Variants in SPG11 observed in about 807,000 individuals in gnomAD.
SPG11 encodes SPG11 vesicle trafficking associated, spatacsin.
A neutral mutation model predicts 274.0 loss-of-function variants in SPG11; 222 were observed. The observed-to-expected ratio is 0.81, with a 90% CI of 0.73 to 0.91. The LOEUF is 0.91. Ranked by LOEUF, SPG11 falls within the 40% of genes least tolerant of loss-of-function variation. The pLI, the probability that SPG11 is intolerant of heterozygous loss-of-function variation, is 0.00. For synonymous variants in SPG11, 1,144 were observed against 1,039.7 expected (o/e 1.10, Z -1.93); for missense variants, 3,114 against 2,872.7 (o/e 1.08, Z -1.92).
At chr15:44,650,757 TTC>T in intron 6 of SPG11, among the ~76,000 whole-genome samples, 1 of 152,166 alleles carries the variant, frequency 6.6e-6, no homozygotes, top group Non-Finnish European at 1.5e-5. Flanking sequence ...TTACAATTTT[TTC>T]TTTTTTTTGA....
intron 7 of SPG11, 28 bp from the exon 8 acceptor site, chr15:44,633,665 G>GA: frequency 1.2e-6 from 2 of 1,606,634 alleles, no homozygotes; most frequent in Non-Finnish European, 1.7e-6. Flanking sequence ...ATAAAAATCA[G>GA]AAAAAAATTA....
At chr15:44,633,159 G>A (rs1200412491) in intron 8 of SPG11, among the ~76,000 whole-genome samples, 1 of 151,196 alleles carries the variant, frequency 6.6e-6, no homozygotes, top group Non-Finnish European at 1.5e-5. Flanking sequence ...GCAACACAGT[G>A]AGACCCCATT....
intron 30 of SPG11, 137 bp from the exon 31 acceptor site, chr15:44,575,178 T>A: frequency 1.9e-6 from 2 of 1,059,396 alleles, no homozygotes; most frequent in Non-Finnish European, 2.7e-6. Context: ...GGACCACTGC[T>A]GACAGGGCCC....
At chr15:44,635,222 C>A (rs1478352173) in intron 7 of SPG11, among the ~76,000 whole-genome samples, 1 of 151,626 alleles carries the variant, frequency 6.6e-6, no homozygotes, top group African/African-American at 2.4e-5. Flanking sequence ...TCTCAAAAAA[C>A]AAAAACAAAA....
rs752725391 is a variant in SPG11 at position 44,583,939 on chromosome 15, C to A, written c.5741G>T (p.Cys1914Phe). Residue 1914 changes from cysteine (C) to phenylalanine (F), a missense_variant, in exon 30 of 40, where the codon TGC (cysteine) becomes TTC (phenylalanine). Physicochemically the swap from Cys to Phe is radical, Grantham distance 205. Coordinates refer to ENST00000261866, the MANE Select transcript of SPG11 (RefSeq NM_025137.4). ...AGCTTCCCCTGAGGCCAGTGCTCTG[C>A]AGTGCAATACCAAGGCGACATCTGG... ...YNPDVALVLH[C>F]RALASGEASM... The A allele has an allele frequency of 4.3e-6, 7 of 1,614,096 alleles. No individual in the cohort carries two copies. The highest frequency in any genetic ancestry group is 5.9e-6 in the Non-Finnish European group (7 of 1,180,054).
intron 4 of SPG11, among the ~76,000 whole-genome samples, chr15:44,656,461 G>A (rs1419803082): frequency 6.6e-6 from 1 of 152,194 alleles, no homozygotes; most frequent in East Asian, 1.9e-4. Context: ...TGGAAAGAGA[G>A]GGAAGTGAAG....
In SPG11 at chr15:44,584,227, G is replaced by A; in HGVS notation, c.5453C>T (p.Thr1818Ile). 6.2e-7 allele frequency: 1 copy of A among 1,614,224 alleles called. No individual in the cohort carries two copies. Among genetic ancestry groups the A allele is most frequent in the Non-Finnish European group, 8.5e-7 (1 of 1,180,034 alleles). ...GATCTGTCGAGAAAATCTGGGCTCT[G>A]TTTCCTCCTGATTTCTTCCAAGAGT... is the stretch of plus-strand genomic sequence containing the variant. Reference protein sequence around the residue: ...QHTLGRNQEETEPRFSRQIST... With the variant: ...QHTLGRNQEEIEPRFSRQIST... The change falls in exon 30 of 40, where the codon ACA (threonine) becomes ATA (isoleucine). Residue 1818 changes from threonine (T) to isoleucine (I), a missense_variant. Coordinates refer to ENST00000261866, the MANE Select transcript of SPG11 (RefSeq NM_025137.4).
At chr15:44,644,526 T>G (rs2084550278) in intron 7 of SPG11, among the ~76,000 whole-genome samples, 1 of 152,060 alleles carries the variant, frequency 6.6e-6, no homozygotes, top group Non-Finnish European at 1.5e-5. Context: ...GACAAAAATG[T>G]CTACTCTCAC....
rs1213704762 is a variant in SPG11 at position 44,565,839 on chromosome 15, T to G, written c.6999+15A>C. On this transcript the variant is annotated intron_variant, in intron 38 of 39. Coordinates refer to ENST00000261866, the MANE Select transcript of SPG11 (RefSeq NM_025137.4). Reference sequence around the variant, plus strand: ...GATGCTAGCAGTGCTGGCTACAGTTTGCTTTCTTGCTCACCTGGTAGAACC... The same window carrying G: ...GATGCTAGCAGTGCTGGCTACAGTTGGCTTTCTTGCTCACCTGGTAGAACC... 1.2e-6 allele frequency: 2 copies of G among 1,613,974 alleles called. No homozygotes were observed. Among genetic ancestry groups the G allele is most frequent in the South Asian group, 2.2e-5 (2 of 91,004 alleles).
At chr15:44,659,367 T>C (rs2085036957) in intron 2 of SPG11, 64 bp from the exon 3 acceptor site, 1 of 1,400,530 alleles carries the variant, frequency 7.1e-7, no homozygotes. Context: ...GTACATTTGA[T>C]TTGATAAACC....
chr15:44,564,794 TGTA>T lies in SPG11; in HGVS notation c.7000-99_7000-97del, dbSNP rs1418874264. 24 of 1,288,182 alleles carry T rather than the reference TGTA, an allele frequency of 1.9e-5. No homozygotes were observed. The South Asian group carries it at 2.0e-4, about 11-fold the overall frequency. 79.8% of individuals were successfully genotyped at this position (1,288,182 alleles called of 1,614,324 possible). A position where few individuals can be genotyped will look rare whatever the true frequency, so the allele number is the denominator to read the frequency against. ...GAAAACAATACTGTATACTCACTCA[TGTA>T]GTGAATATGATCATTACCAATTATG... On this transcript the variant is annotated intron_variant, in intron 38 of 39. Transcript: ENST00000261866.
chr15:44,575,183 G>A, intron 30 of SPG11, 142 bp from the exon 31 acceptor site: 1 of 1,002,108 alleles, frequency 1.0e-6, no homozygotes, highest in Admixed American at 2.4e-5. Context: ...ACTGCTGACA[G>A]GGCCCCACCT....
chr15:44,593,554 T>C (rs1360036640), intron 26 of SPG11, among the ~76,000 whole-genome samples: 1 of 152,196 alleles, frequency 6.6e-6, no homozygotes, highest in African/African-American at 2.4e-5. Flanking sequence ...TACTGTTGCC[T>C]GTGGCACTGA....
intron 1 of SPG11, among the ~76,000 whole-genome samples, chr15:44,662,492 A>C (rs1285265678): frequency 6.6e-6 from 1 of 151,776 alleles, no homozygotes; most frequent in East Asian, 1.9e-4. Flanking sequence ...ACACAGTGAG[A>C]CCTCATCTCT....
chr15:44,650,257 G>A (rs956117756), intron 6 of SPG11, among the ~76,000 whole-genome samples: 5 of 152,108 alleles, frequency 3.3e-5, no homozygotes, highest in Admixed American at 2.0e-4. Context: ...GGTGGCTCAC[G>A]CCTGTAATCC....
intron 1 of SPG11, among the ~76,000 whole-genome samples, chr15:44,662,195 G>C (rs1407404394): frequency 1.3e-5 from 2 of 151,938 alleles, no homozygotes; most frequent in African/African-American, 2.4e-5. Flanking sequence ...TTCCTCTTTC[G>C]AGCAACTAGA....
In SPG11 at chr15:44,610,851, C is replaced by A. The variant is rs1349552147; in HGVS notation, c.3280G>T (p.Gly1094Cys). 4.3e-6 allele frequency: 7 copies of A among 1,613,732 alleles called. No individual in the cohort carries two copies. The highest frequency in any genetic ancestry group is 5.9e-6 in the Non-Finnish European group (7 of 1,179,880). Residue 1094 changes from glycine (G) to cysteine (C), a missense_variant, in exon 18 of 40, where the codon GGT (glycine) becomes TGT (cysteine). Coordinates refer to ENST00000261866, the MANE Select transcript of SPG11 (RefSeq NM_025137.4). ...ALATTMYSPG[G>C]VSQVVQNEEN... The stretch of plus-strand genomic sequence containing the variant: ...AGTGCTATCCATACCTGACTGACAC[C>A]CCCAGGAGAATACATTGTAGTAGCA...
At chr15:44,566,128 T>A in intron 37 of SPG11, 89 bp downstream of exon 37, 1 of 1,590,078 alleles carries the variant, frequency 6.3e-7, no homozygotes, top group South Asian at 1.1e-5. Context: ...CCCTCCCGCT[T>A]CACCTGGAAA....
chr15:44,563,978 C>A lies in SPG11; in HGVS notation c.7151+569G>T, dbSNP rs143196384. ...GTAAGTTTAGTACTCCAAAAGGCAC[C>A]TCTGATGTTTTAGTGTTTTTCGTTT... On this transcript the variant is annotated intron_variant, in intron 39 of 39. Coordinates refer to ENST00000261866, the MANE Select transcript of SPG11 (RefSeq NM_025137.4). Among the ~76,000 whole-genome samples, 299 of 152,094 alleles carry A rather than the reference C, an allele frequency of 2.0e-3. 5 individuals carry two copies. Among genetic ancestry groups the A allele is most frequent in the African/African-American group, 7.0e-3 (289 of 41,498 alleles).
Sources: allele counts gnomAD v4.1 joint callset (sites outside exome capture counted in the v4.1 genomes callset), GRCh38; gene constraint gnomAD v4.1.1; transcripts MANE v1.5; gene names NCBI Gene and HGNC (gene_info 2026-07-23, HGNC 2026-07-21).